The following MYO16 variants were observed in gnomAD, a reference collection of about 807,000 sequenced individuals.
The protein encoded by MYO16 is myosin XVI, also known as unconventional myosin-XVI.
Under a neutral mutation model 205.3 loss-of-function variants are expected in MYO16, and 94 were observed. That is an observed-to-expected ratio of 0.46 (90% CI 0.39 to 0.54). The LOEUF (loss-of-function observed/expected upper bound fraction) is 0.54, where lower values mean the gene tolerates loss of function less well. MYO16 is among the 20% of genes least tolerant of loss of function. The pLI is 0.00. For synonymous variants in MYO16, 988 were observed against 954.0 expected (o/e 1.04, Z -0.66); for missense variants, 2,315 against 2,387.5 (o/e 0.97, Z 0.63).
intron 1 of MYO16, chr13:108,596,370 A>G (rs1028366217): frequency 2.0e-5 from 3 of 149,678 alleles, no homozygotes; most frequent in African/African-American, 7.3e-5. Flanking sequence ...ATATGTCAGT[A>G]TCAAAACATT....
chr13:108,608,337 C>G (rs1197695015), intron 1 of MYO16, among the ~76,000 whole-genome samples: 1 of 152,258 alleles, frequency 6.6e-6, no homozygotes, highest in Middle Eastern at 3.4e-3. Context: ...TAATAATTTG[C>G]CATTATATAC....
chr13:108,602,540 A>T (rs931820106), intron 1 of MYO16, among the ~76,000 whole-genome samples: 1 of 151,778 alleles, frequency 6.6e-6, no homozygotes, highest in Non-Finnish European at 1.5e-5. Context: ...ATATGTCACT[A>T]ATAAATGAAA....
chr13:109,035,175 C>A (rs4145116), intron 23 of MYO16, among the ~76,000 whole-genome samples: 82,033 of 151,864 alleles, frequency 0.54, 22,614 homozygotes, highest in East Asian at 0.85. Context: ...TTTGAAAAAT[C>A]CTGCACTTTA....
intron 31 of MYO16, among the ~76,000 whole-genome samples, chr13:109,131,536 TA>T (rs979099951): frequency 9.2e-5 from 14 of 152,176 alleles, no homozygotes; most frequent in African/African-American, 3.4e-4. Context: ...CTTTTTTTTT[TA>T]TTATACTTTA....
At chr13:108,598,434 A>T (rs1011151044) in intron 1 of MYO16, among the ~76,000 whole-genome samples, 1 of 152,226 alleles carries the variant, frequency 6.6e-6, no homozygotes, top group Non-Finnish European at 1.5e-5. Context: ...TATTTTTAAG[A>T]ATTAAATTCA....
At chr13:108,730,106 T>C (rs1884473414) in intron 4 of MYO16, among the ~76,000 whole-genome samples, 1 of 152,178 alleles carries the variant, frequency 6.6e-6, no homozygotes, top group Non-Finnish European at 1.5e-5. Context: ...GGTTCGGCCA[T>C]GTCCCCACTC....
chr13:108,632,958 G>A (rs1048839681), intron 1 of MYO16, among the ~76,000 whole-genome samples: 1 of 152,144 alleles, frequency 6.6e-6, no homozygotes, highest in Non-Finnish European at 1.5e-5. Context: ...GTCTACCTGT[G>A]GAGTTCCCTT....
the MYO16 span, among the ~76,000 whole-genome samples, chr13:108,503,965 TA>T: frequency 1.6e-5 from 2 of 124,632 alleles, no homozygotes; most frequent in South Asian, 2.4e-4. Context: ...TAGGTTTTAT[TA>T]TTATTTTTTT....
intron 22 of MYO16, among the ~76,000 whole-genome samples, chr13:109,012,524 A>T (rs1885636434): frequency 6.6e-6 from 1 of 152,170 alleles, no homozygotes; most frequent in Non-Finnish European, 1.5e-5. Flanking sequence ...TGTAATAATC[A>T]CAGAAATAAA....
At chr13:108,573,250 T>G in the MYO16 span, among the ~76,000 whole-genome samples, 1 of 152,150 alleles carries the variant, frequency 6.6e-6, no homozygotes, top group Non-Finnish European at 1.5e-5. Flanking sequence ...CCCAGTGCAG[T>G]GGTTATCTTA....
At chr13:109,110,833 G>A (rs1242585192) in intron 28 of MYO16, among the ~76,000 whole-genome samples, 1 of 152,182 alleles carries the variant, frequency 6.6e-6, no homozygotes, top group Non-Finnish European at 1.5e-5. Context: ...GATGCCTTTA[G>A]TTCAATGGTT....
intron 27 of MYO16, among the ~76,000 whole-genome samples, chr13:109,058,010 C>T (rs1887468931): frequency 6.6e-6 from 1 of 152,064 alleles, no homozygotes; most frequent in East Asian, 1.9e-4. Context: ...GACATGAGTG[C>T]ACATCAAAAT....
At chr13:108,866,544 A>G (rs555653619) in intron 12 of MYO16, among the ~76,000 whole-genome samples, 1 of 152,200 alleles carries the variant, frequency 6.6e-6, no homozygotes, top group Non-Finnish European at 1.5e-5. Flanking sequence ...TCACTAACTC[A>G]AGATCATTTG....
intron 31 of MYO16, among the ~76,000 whole-genome samples, chr13:109,130,494 A>G (rs1876482346): frequency 6.6e-6 from 1 of 152,246 alleles, no homozygotes; most frequent in Non-Finnish European, 1.5e-5. Flanking sequence ...AATACTGTAT[A>G]TTTTTAAGAA....
chr13:108,519,781 T>C, the MYO16 span, among the ~76,000 whole-genome samples: 1 of 152,090 alleles, frequency 6.6e-6, no homozygotes, highest in African/African-American at 2.4e-5. Context: ...GGAGTCAAAG[T>C]AAATGTACCC....
intron 4 of MYO16, among the ~76,000 whole-genome samples, chr13:108,774,553 T>C (rs555888597): frequency 7.2e-5 from 11 of 152,178 alleles, no homozygotes; most frequent in Non-Finnish European, 1.0e-4. Context: ...TATGATGTGA[T>C]TGATTTTTTT....
At chr13:108,629,982 T>A in intron 1 of MYO16, 110 bp downstream of exon 1, 1 of 798,508 alleles carries the variant, frequency 1.3e-6, no homozygotes, top group Non-Finnish European at 2.0e-6. Flanking sequence ...TTCAGATGAG[T>A]GACATAGACT....
At chr13:108,504,193 C>T in the MYO16 span, among the ~76,000 whole-genome samples, 1 of 152,206 alleles carries the variant, frequency 6.6e-6, no homozygotes, top group South Asian at 2.1e-4. Context: ...ACGATCTCAG[C>T]TCACTGCAAC....
intron 2 of MYO16, among the ~76,000 whole-genome samples, chr13:108,711,649 G>A (rs1883727961): frequency 6.6e-6 from 1 of 152,178 alleles, no homozygotes; most frequent in Non-Finnish European, 1.5e-5. Flanking sequence ...GTGAGATTTG[G>A]GGAAGATAGT....
Sources: allele counts gnomAD v4.1 joint callset (sites outside exome capture counted in the v4.1 genomes callset), GRCh38; gene constraint gnomAD v4.1.1; transcripts MANE v1.5; gene names NCBI Gene and HGNC (gene_info 2026-07-23, HGNC 2026-07-21).